The following GRIK2 variants were observed in gnomAD, a reference collection of about 807,000 sequenced individuals.
GRIK2 encodes glutamate ionotropic receptor kainate type subunit 2.
A neutral mutation model predicts 100.3 loss-of-function variants in GRIK2; 32 were observed. That is an observed-to-expected ratio of 0.32 (90% CI 0.24 to 0.43). The LOEUF (loss-of-function observed/expected upper bound fraction) is 0.43. GRIK2 is among the 20% of genes least tolerant of loss of function. The pLI is 1.00. For synonymous variants in GRIK2, 417 were observed against 389.4 expected (o/e 1.07, Z -0.83); for missense variants, 843 against 1,114.9 (o/e 0.76, Z 3.47).
intron 4 of GRIK2, among the ~76,000 whole-genome samples, chr6:101,646,773 T>C (rs991174482): frequency 3.3e-5 from 5 of 151,958 alleles, no homozygotes; most frequent in African/African-American, 1.2e-4. Flanking sequence ...GCCACATTTC[T>C]GTCTCTGCTA....
At chr6:102,050,833 AAATAAAG>A (rs1481834051) in intron 15 of GRIK2, among the ~76,000 whole-genome samples, 1 of 151,924 alleles carries the variant, frequency 6.6e-6, no homozygotes, top group Admixed American at 6.6e-5. Flanking sequence ...GCAAGGAAAG[AAATAAAG>A]AAGAAAGATA....
chr6:102,039,698 A>C (rs1770465244), intron 15 of GRIK2, among the ~76,000 whole-genome samples: 1 of 151,566 alleles, frequency 6.6e-6, no homozygotes, highest in Non-Finnish European at 1.5e-5. Flanking sequence ...TGCATATTGC[A>C]CTTTGAGGAC....
intron 4 of GRIK2, among the ~76,000 whole-genome samples, chr6:101,632,665 T>C (rs1256279729): frequency 6.6e-6 from 1 of 152,122 alleles, no homozygotes; most frequent in Non-Finnish European, 1.5e-5. Flanking sequence ...TATATATGTA[T>C]TCTTATTTGA....
Position 101,925,612 on chromosome 6 carries a change from C to CA in GRIK2, c.1867+900dup, listed in dbSNP as rs1020636271. 5.2e-4 allele frequency among the ~76,000 whole-genome samples: 77 copies of CA among 147,940 alleles called. 4 individuals are homozygous for CA. The highest frequency in any genetic ancestry group is 1.8e-3 in the African/African-American group (74 of 40,346). ...AAAGTTTTAAAATTAGTAAATAAAG[C>CA]AAAAAAATCCCAAATTTGAAAAACT... On this transcript the variant is annotated intron_variant, in intron 13 of 16. Coordinates refer to ENST00000369134, the MANE Select transcript of GRIK2 (RefSeq NM_021956.5).
intron 7 of GRIK2, among the ~76,000 whole-genome samples, chr6:101,717,015 G>C (rs906400232): frequency 6.6e-6 from 1 of 151,768 alleles, no homozygotes; most frequent in Admixed American, 6.6e-5. Context: ...TTGGAGAAAA[G>C]TGTGTAAATT....
intron 7 of GRIK2, among the ~76,000 whole-genome samples, chr6:101,733,845 C>G (rs1236762756): frequency 4.0e-5 from 6 of 151,058 alleles, no homozygotes; most frequent in Non-Finnish European, 8.8e-5. Context: ...CTTCCTTCCA[C>G]AAGACACTAA....
rs562878827 is a variant in GRIK2, at chr6:101,733,538, TC to T, written c.951+47186del. ...ACTCTGCTGGAATGGCTGATTAACTTCATCACAGTCATTCATGATTTCTTTA... is the reference window on the plus strand; with the variant it reads ...ACTCTGCTGGAATGGCTGATTAACTTATCACAGTCATTCATGATTTCTTTA... On this transcript the variant is annotated intron_variant, in intron 7 of 16. Coordinates refer to ENST00000369134, the MANE Select transcript of GRIK2 (RefSeq NM_021956.5). Among the ~76,000 whole-genome samples, 1,113 of 152,200 alleles carry T rather than the reference TC, an allele frequency of 7.3e-3. 7 individuals are homozygous for T. Among genetic ancestry groups the T allele is most frequent in the Non-Finnish European group, 9.9e-3 (672 of 67,990 alleles).
At chr6:101,867,722 T>A (rs906277866) in intron 11 of GRIK2, among the ~76,000 whole-genome samples, 9 of 151,472 alleles carry the variant, frequency 5.9e-5, no homozygotes, top group Non-Finnish European at 1.0e-4. Flanking sequence ...TGTCTTCTCA[T>A]GCAGTTCCAA....
chr6:102,012,606 C>T (rs1456110996), intron 14 of GRIK2, among the ~76,000 whole-genome samples: 1 of 152,052 alleles, frequency 6.6e-6, no homozygotes, highest in Non-Finnish European at 1.5e-5. Context: ...TTTGGAGGGT[C>T]CTAATGCAAA....
chr6:101,751,497 C>A (rs1036257640), intron 7 of GRIK2, among the ~76,000 whole-genome samples: 1 of 151,940 alleles, frequency 6.6e-6, no homozygotes, highest in African/African-American at 2.4e-5. Context: ...GCTTTAAAAA[C>A]CATATATAAC....
At chr6:101,574,364 A>G (rs890821260) in intron 2 of GRIK2, among the ~76,000 whole-genome samples, 2 of 147,768 alleles carry the variant, frequency 1.4e-5, no homozygotes, top group African/African-American at 4.9e-5. Flanking sequence ...ATATATACTT[A>G]TATATAAATA....
chr6:101,891,727 C>T, intron 12 of GRIK2: 1 of 226,350 alleles, frequency 4.4e-6, no homozygotes, highest in African/African-American at 2.4e-5. Context: ...TGAAGCTGTA[C>T]AGTAGAGCTT....
chr6:101,827,378 G>T (rs866007619), intron 10 of GRIK2, among the ~76,000 whole-genome samples: 2 of 151,666 alleles, frequency 1.3e-5, no homozygotes, highest in Non-Finnish European at 2.9e-5. Context: ...TAAATAATAA[G>T]CATGGTTTAT....
In GRIK2 at chr6:101,826,691, A is replaced by G. The variant is rs1782356353; in HGVS notation, c.1317+8208A>G. On this transcript the variant is annotated intron_variant, in intron 10 of 16. Coordinates refer to ENST00000369134, the MANE Select transcript of GRIK2 (RefSeq NM_021956.5). ...TTCTTTCTTACTATCTTTCCCTTGT[A>G]AATTAAACTACCCAAAATTTTAATG... 2.0e-5 allele frequency among the ~76,000 whole-genome samples: 3 copies of G among 152,032 alleles called. No homozygotes were observed. The South Asian group carries it at 6.2e-4, about 31-fold the overall frequency.
chr6:101,596,873 C>T (rs1022980365), intron 2 of GRIK2, among the ~76,000 whole-genome samples: 5 of 151,568 alleles, frequency 3.3e-5, no homozygotes, highest in African/African-American at 4.8e-5. Context: ...ATTTGAATAA[C>T]CAATCGCATT....
At chr6:101,908,491 A>C (rs1165418797) in intron 12 of GRIK2, among the ~76,000 whole-genome samples, 1 of 151,328 alleles carries the variant, frequency 6.6e-6, no homozygotes, top group African/African-American at 2.4e-5. Context: ...TCTTTTTAGT[A>C]CATTACAGAT....
chr6:101,646,527 T>C (rs1213844361), intron 4 of GRIK2, among the ~76,000 whole-genome samples: 2 of 151,928 alleles, frequency 1.3e-5, no homozygotes, highest in Non-Finnish European at 2.9e-5. Context: ...AATTTTACAC[T>C]TTAAGTACAT....
chr6:101,803,806 C>A (rs1780819667), intron 9 of GRIK2, among the ~76,000 whole-genome samples: 2 of 151,920 alleles, frequency 1.3e-5, no homozygotes, highest in African/African-American at 4.8e-5. Context: ...TGAAACATTA[C>A]AAAATTTTCT....
chr6:101,667,098 C>G (rs145235070), intron 4 of GRIK2, among the ~76,000 whole-genome samples: 2 of 152,138 alleles, frequency 1.3e-5, no homozygotes, highest in African/African-American at 2.4e-5. Context: ...CTGCCTGCCA[C>G]GGGCTGCCAT....
Sources: allele counts gnomAD v4.1 joint callset (sites outside exome capture counted in the v4.1 genomes callset), GRCh38; gene constraint gnomAD v4.1.1; transcripts MANE v1.5; gene names NCBI Gene and HGNC (gene_info 2026-07-23, HGNC 2026-07-21).